The following ATP2B2 variants were observed in gnomAD, a reference collection of about 807,000 sequenced individuals.
ATP2B2 encodes the protein plasma membrane calcium-transporting ATPase 2.
A neutral mutation model predicts 120.0 loss-of-function variants in ATP2B2; 15 were observed. The ratio of observed to expected loss-of-function variants is 0.12; its 90% CI spans 0.08 to 0.19. The LOEUF (loss-of-function observed/expected upper bound fraction) is 0.19, where lower values mean the gene tolerates loss of function less well. Among genes scored for constraint, ATP2B2 ranks in the 10% least tolerant of loss-of-function variants. ATP2B2 has a pLI of 1.00. For missense variants in ATP2B2, 1,045 were observed against 1,719.8 expected, an observed-to-expected ratio of 0.61 and a Z score of 6.94; for synonymous variants, 694 against 700.3, an observed-to-expected ratio of 0.99 and a Z score of 0.14.
intron 1 of ATP2B2, among the ~76,000 whole-genome samples, chr3:10,471,338 T>G (rs112116326): frequency 6.7e-6 from 1 of 149,938 alleles, no homozygotes; most frequent in Non-Finnish European, 1.5e-5. Context: ...AGCTTGGACT[T>G]TGGTTTTAAA....
At chr3:10,668,813 C>G (rs2071017161) in intron 1 of ATP2B2, among the ~76,000 whole-genome samples, 1 of 152,246 alleles carries the variant, frequency 6.6e-6, no homozygotes, top group Non-Finnish European at 1.5e-5. Context: ...TGCTTGCTTT[C>G]TGCTGTATCC....
Position 10,350,097 on chromosome 3 carries a change from C to A in ATP2B2, c.2404+15G>T, listed in dbSNP as rs1281689717. ...TGCTGGGCTTCAGGATTGCCCGTGC[C>A]CGCCCAAGTCTTACCTTTAACCAGG... On this transcript the variant is annotated intron_variant, in intron 16 of 22. Coordinates refer to ENST00000360273, the MANE Select transcript of ATP2B2 (RefSeq NM_001001331.4). 6.2e-7 allele frequency: 1 copy of A among 1,613,586 alleles called. No homozygotes were observed. Among genetic ancestry groups the A allele is most frequent in the Non-Finnish European group, 8.5e-7 (1 of 1,179,830 alleles).
chr3:10,428,443 C>T (rs192235890), intron 2 of ATP2B2, among the ~76,000 whole-genome samples: 188 of 152,158 alleles, frequency 1.2e-3, no homozygotes, highest in Non-Finnish European at 1.4e-3. Flanking sequence ...CTGTGAGTTC[C>T]GGGGATCCTC....
chr3:10,515,047 A>G (rs2066849907), intron 3 of ATP2B2, among the ~76,000 whole-genome samples: 1 of 152,218 alleles, frequency 6.6e-6, no homozygotes, highest in African/African-American at 2.4e-5. Context: ...CTGTAAGTAG[A>G]TTCTCAGATA....
chr3:10,650,809 C>A (rs2070439829), intron 1 of ATP2B2, among the ~76,000 whole-genome samples: 1 of 152,204 alleles, frequency 6.6e-6, no homozygotes, highest in South Asian at 2.1e-4. Flanking sequence ...AATGCCAGCC[C>A]CTGAAAGCAA....
intron 1 of ATP2B2, among the ~76,000 whole-genome samples, chr3:10,499,702 C>G (rs1001280345): frequency 1.2e-4 from 19 of 152,138 alleles, no homozygotes; most frequent in Admixed American, 3.3e-4. Context: ...CACCTTGAAG[C>G]TCCCCTGCCT....
In ATP2B2 at chr3:10,417,144, G is replaced by C. The variant is rs189757716; in HGVS notation, c.200-6329C>G. ...GGGCAGAGGGACCCCTCACTTCCCA[G>C]ATGGGGCGGTGGCCAGGCAGAGGGA... On this transcript the variant is annotated intron_variant, in intron 2 of 22. Coordinates refer to ENST00000360273, the MANE Select transcript of ATP2B2 (RefSeq NM_001001331.4). Among the ~76,000 whole-genome samples, 767 of 147,318 alleles carry C rather than the reference G, an allele frequency of 5.2e-3. 3 individuals carry two copies. Among genetic ancestry groups the C allele is most frequent in the East Asian group, 0.011 (56 of 5,066 alleles).
intron 2 of ATP2B2, among the ~76,000 whole-genome samples, chr3:10,537,547 T>A (rs1029671209): frequency 6.6e-6 from 1 of 152,148 alleles, no homozygotes; most frequent in East Asian, 1.9e-4. Context: ...ATCCTGTAAC[T>A]TTCCTGAACT....
At chr3:10,530,223 A>G (rs2125472746) in intron 3 of ATP2B2, among the ~76,000 whole-genome samples, 2 of 152,278 alleles carry the variant, frequency 1.3e-5, no homozygotes, top group East Asian at 3.9e-4. Flanking sequence ...CAAAAGAACA[A>G]AACTCACTGA....
At chr3:10,545,569 C>T (rs2067528121) in intron 2 of ATP2B2, among the ~76,000 whole-genome samples, 1 of 151,126 alleles carries the variant, frequency 6.6e-6, no homozygotes, top group South Asian at 2.1e-4. Context: ...AAAAACAAAA[C>T]AAAATTTAAA....
At chr3:10,453,101 G>T (rs958685170) in intron 1 of ATP2B2, among the ~76,000 whole-genome samples, 5 of 152,204 alleles carry the variant, frequency 3.3e-5, no homozygotes, top group African/African-American at 1.2e-4. Flanking sequence ...GTGTTTTACA[G>T]AAATATCTAT....
In ATP2B2 at chr3:10,336,346, C is replaced by A. The variant is rs767773820; in HGVS notation, c.3420+1830G>T. 8.5e-6 allele frequency: 13 copies of A among 1,532,950 alleles called. No homozygotes were observed. In the South Asian group the frequency reaches 1.4e-4, roughly 17 times the overall value. 95.0% of individuals were successfully genotyped at this position (1,532,950 alleles called of 1,614,324 possible). ...AGACAAGTTGCGAGAAGAACGAGCACAACGGCTACATGACTGACAGGGCAA... is the reference window on the plus strand; with the variant it reads ...AGACAAGTTGCGAGAAGAACGAGCAAAACGGCTACATGACTGACAGGGCAA... On this transcript the variant is annotated intron_variant, in intron 22 of 22. Coordinates refer to ENST00000360273, the MANE Select transcript of ATP2B2 (RefSeq NM_001001331.4).
intron 1 of ATP2B2, among the ~76,000 whole-genome samples, chr3:10,654,197 G>T (rs1202533861): frequency 6.6e-6 from 1 of 152,098 alleles, no homozygotes; most frequent in African/African-American, 2.4e-5. Context: ...TATTGAGGGT[G>T]GACTCGGAAC....
intron 2 of ATP2B2, among the ~76,000 whole-genome samples, chr3:10,425,612 G>A (rs1024271840): frequency 3.3e-5 from 5 of 152,124 alleles, no homozygotes; most frequent in Non-Finnish European, 7.4e-5. Flanking sequence ...GGTGTTCAAT[G>A]TGTACCCCCA....
rs532284043 is a variant in ATP2B2, at chr3:10,707,579, C to T, written c.-460+336G>A. ...ATAGGGGGTTCTAGCGTCCCGGACG[C>T]CCCCCCAGCTCCGGGGCTGCTCCGA... is the stretch of plus-strand genomic sequence containing the variant. On this transcript the variant is annotated intron_variant, in intron 1 of 21. Coordinates refer to the ATP2B2 transcript ENST00000646379. Among the ~76,000 whole-genome samples the T allele has an allele frequency of 9.9e-5, 15 of 152,194 alleles. No individual in the cohort carries two copies. The East Asian group carries it at 2.7e-3, about 28-fold the overall frequency.
intron 2 of ATP2B2, among the ~76,000 whole-genome samples, chr3:10,575,189 A>T (rs1319935135): frequency 6.6e-6 from 1 of 152,170 alleles, no homozygotes; most frequent in African/African-American, 2.4e-5. Flanking sequence ...CCCACCACTT[A>T]GGCTCCAGCA....
At chr3:10,448,344 G>A (rs531300251) in intron 2 of ATP2B2, among the ~76,000 whole-genome samples, 35 of 152,220 alleles carry the variant, frequency 2.3e-4, no homozygotes, top group Non-Finnish European at 3.5e-4. Context: ...CTGAGGCTCG[G>A]TGCAGCTTTG....
Position 10,610,104 on chromosome 3 carries a change from T to C in ATP2B2, c.-415+9813A>G, listed in dbSNP as rs9824912. ...ACACACACACACACACACACACACA[T>C]ATATACACATATATGCATAAATATA... On this transcript the variant is annotated intron_variant, in intron 2 of 21. Coordinates refer to the ATP2B2 transcript ENST00000646379. Among the ~76,000 whole-genome samples the C allele has an allele frequency of 2.6e-3, 329 of 124,162 alleles. 1 individual carries two copies. The highest frequency in any genetic ancestry group is 9.5e-3 in the Middle Eastern group (2 of 210). The allele number at this position is 124,162 out of a possible 152,430, so 81.5% of individuals were successfully genotyped here.
At chr3:10,633,336 T>C (rs2069924656) in intron 1 of ATP2B2, among the ~76,000 whole-genome samples, 1 of 152,220 alleles carries the variant, frequency 6.6e-6, no homozygotes. Flanking sequence ...CATCCACTGA[T>C]GCAATAACAG....
Sources: gnomAD v4.1 joint callset for allele counts (sites outside exome capture counted in the v4.1 genomes callset) on GRCh38, gnomAD v4.1.1 for gene constraint, MANE v1.5 for transcripts, NCBI Gene and HGNC (gene_info 2026-07-23, HGNC 2026-07-21) for gene names.